The following SBF2 variants were observed in gnomAD, a reference collection of about 807,000 sequenced individuals.
The protein encoded by SBF2 is myotubularin-related protein 13.
Under a neutral mutation model 225.2 loss-of-function variants are expected in SBF2, and 112 were observed. The observed-to-expected ratio is 0.50, with a 90% CI of 0.43 to 0.58. The LOEUF (loss-of-function observed/expected upper bound fraction) is 0.58, where lower values mean the gene tolerates loss of function less well. Ranked by LOEUF, SBF2 falls within the 20% of genes least tolerant of loss-of-function variation. The pLI is 0.00. For synonymous variants in SBF2, 763 were observed against 773.3 expected (o/e 0.99, Z 0.22); for missense variants, 1,996 against 2,206.2 (o/e 0.90, Z 1.91).
At chr11:10,282,870 T>C (rs776423734) in intron 1 of SBF2, among the ~76,000 whole-genome samples, 1 of 152,140 alleles carries the variant, frequency 6.6e-6, no homozygotes, top group Non-Finnish European at 1.5e-5. Flanking sequence ...TTCTATAGCC[T>C]GATATACAGA....
chr11:10,133,969 G>A (rs963574880), intron 2 of SBF2, among the ~76,000 whole-genome samples: 39 of 152,210 alleles, frequency 2.6e-4, no homozygotes, highest in Non-Finnish European at 4.7e-4. Flanking sequence ...AACATCTTAC[G>A]TAAAGCTTCT....
At chr11:10,255,958 T>C (rs16907612) in intron 1 of SBF2, among the ~76,000 whole-genome samples, 3,279 of 152,302 alleles carry the variant, frequency 0.022, 91 homozygotes, top group African/African-American at 0.065. Flanking sequence ...CTCCCACCTG[T>C]CAAATCAGTC....
chr11:10,293,248 C>T (rs1964284417), intron 1 of SBF2, among the ~76,000 whole-genome samples: 1 of 152,212 alleles, frequency 6.6e-6, no homozygotes, highest in Non-Finnish European at 1.5e-5. Context: ...GGAAGTCCGT[C>T]AATTAAAGTG....
At chr11:10,046,005 T>C (rs1949847331) in intron 2 of SBF2, among the ~76,000 whole-genome samples, 1 of 152,160 alleles carries the variant, frequency 6.6e-6, no homozygotes, top group Admixed American at 6.5e-5. Context: ...AAAAATAGCA[T>C]ATATAAAAAT....
chr11:10,278,556 G>A (rs1286463110), intron 1 of SBF2, among the ~76,000 whole-genome samples: 1 of 152,124 alleles, frequency 6.6e-6, no homozygotes, highest in Non-Finnish European at 1.5e-5. Flanking sequence ...CAAGGCGGGT[G>A]GATTACCTGA....
At chr11:10,065,951 CAACA>C (rs890922407) in intron 2 of SBF2, among the ~76,000 whole-genome samples, 17 of 151,874 alleles carry the variant, frequency 1.1e-4, no homozygotes, top group East Asian at 7.7e-4. Context: ...CCTTCTCAAA[CAACA>C]AACAAACAAA....
At chr11:10,226,655 T>G (rs547058408) in intron 1 of SBF2, among the ~76,000 whole-genome samples, 384 of 152,274 alleles carry the variant, frequency 2.5e-3, no homozygotes, top group Middle Eastern at 6.8e-3. Flanking sequence ...CAAAGGACAT[T>G]AACTCATCAT....
At chr11:10,128,587 A>G (rs1054529855) in intron 2 of SBF2, among the ~76,000 whole-genome samples, 1 of 152,218 alleles carries the variant, frequency 6.6e-6, no homozygotes, top group South Asian at 2.1e-4. Context: ...GATAAAGAAA[A>G]ATAATCTGTA....
At chr11:9,976,870 G>A (rs926339869) in intron 13 of SBF2, among the ~76,000 whole-genome samples, 8 of 151,604 alleles carry the variant, frequency 5.3e-5, no homozygotes, top group Non-Finnish European at 7.4e-5. Flanking sequence ...CCGGGTTCAC[G>A]CCATTCTCCT....
intron 2 of SBF2, among the ~76,000 whole-genome samples, chr11:10,131,222 A>G (rs914490254): frequency 6.8e-6 from 1 of 146,522 alleles, no homozygotes; most frequent in Non-Finnish European, 1.5e-5. Flanking sequence ...TAATATTGCC[A>G]CTAATTTTTT....
At chr11:9,842,348 T>C (rs1856218458) in intron 25 of SBF2, among the ~76,000 whole-genome samples, 1 of 152,196 alleles carries the variant, frequency 6.6e-6, no homozygotes, top group Non-Finnish European at 1.5e-5. Context: ...TCCCATGCAG[T>C]GGGGTTCCCT....
At chr11:10,169,124 T>A (rs975004302) in intron 2 of SBF2, among the ~76,000 whole-genome samples, 1 of 152,240 alleles carries the variant, frequency 6.6e-6, no homozygotes, top group Non-Finnish European at 1.5e-5. Flanking sequence ...ATATAATGCA[T>A]AATAATCAGT....
chr11:9,813,011 G>A (rs1005781843), intron 29 of SBF2, among the ~76,000 whole-genome samples: 1 of 152,140 alleles, frequency 6.6e-6, no homozygotes, highest in African/African-American at 2.4e-5. Flanking sequence ...GGAACTTGAT[G>A]GAGCTCATAA....
intron 2 of SBF2, among the ~76,000 whole-genome samples, chr11:10,192,439 A>G (rs1957209261): frequency 6.6e-6 from 1 of 152,226 alleles, no homozygotes; most frequent in Admixed American, 6.5e-5. Flanking sequence ...AATTTTCAAT[A>G]CAAAATATCT....
chr11:10,102,617 G>A (rs533032611), intron 2 of SBF2, among the ~76,000 whole-genome samples: 1 of 152,308 alleles, frequency 6.6e-6, no homozygotes, highest in East Asian at 1.9e-4. Context: ...GTTTAAGCAG[G>A]TTGAAAAGGG....
chr11:9,890,498 G>C (rs982382228), intron 17 of SBF2, among the ~76,000 whole-genome samples: 2 of 152,178 alleles, frequency 1.3e-5, no homozygotes, highest in African/African-American at 4.8e-5. Flanking sequence ...TCTGAAGTAA[G>C]ACCTAACTCA....
Position 10,251,102 on chromosome 11 carries a change from TTTG to T in SBF2, c.55+42910_55+42912del, listed in dbSNP as rs767064268. On this transcript the variant is annotated intron_variant, in intron 1 of 39. Transcript: ENST00000256190. ...GGGTATACTTTTATTTGTAGAGGAT[TTTG>T]CAGCCAGCCTTATACATGAATAACC... Among the ~76,000 whole-genome samples, 242 of 152,348 alleles carry T rather than the reference TTTG, an allele frequency of 1.6e-3. 1 individual carries two copies. Among genetic ancestry groups the T allele is most frequent in the Non-Finnish European group, 1.7e-3 (117 of 68,030 alleles).
intron 1 of SBF2, among the ~76,000 whole-genome samples, chr11:10,293,627 G>A (rs1393809712): frequency 6.6e-6 from 1 of 152,196 alleles, no homozygotes; most frequent in African/African-American, 2.4e-5. Flanking sequence ...CAGGGCAGAA[G>A]TTTATCCCCG....
chr11:9,862,258 T>C (rs1278521376), intron 17 of SBF2, among the ~76,000 whole-genome samples: 1 of 152,228 alleles, frequency 6.6e-6, no homozygotes, highest in African/African-American at 2.4e-5. Flanking sequence ...GGGAGCACTG[T>C]GTCCCTCAGT....
Sources: gnomAD v4.1 joint callset for allele counts (sites outside exome capture counted in the v4.1 genomes callset) on GRCh38, gnomAD v4.1.1 for gene constraint, MANE v1.5 for transcripts, NCBI Gene and HGNC (gene_info 2026-07-23, HGNC 2026-07-21) for gene names.